The following PIK3C3 variants were observed in gnomAD, a reference collection of about 807,000 sequenced individuals.
PIK3C3 encodes PI3-kinase type 3.
Under a neutral mutation model 126.1 loss-of-function variants are expected in PIK3C3, and 95 were observed. That is an observed-to-expected ratio of 0.75 (90% CI 0.64 to 0.89). PIK3C3 has a LOEUF of 0.89. PIK3C3 is among the 40% of genes least tolerant of loss of function. The pLI is 0.00. For missense variants in PIK3C3, 829 were observed against 1,063.2 expected (o/e 0.78, Z 3.06); for synonymous variants, 374 against 360.0 (o/e 1.04, Z -0.44).
Position 42,029,390 on chromosome 18 carries a change from G to A in PIK3C3, c.1656G>A (p.Leu552=). The change falls in exon 15 of 25, where the codon TTG becomes TTA. Residue 552 remains leucine, a synonymous_variant. Transcript: ENST00000262039. ...LAAQQTFVDR[L]VHLMKAVQRE... Reference sequence around the variant, plus strand: ...CACAACAGACATTTGTAGATCGGTTGGTGCATCTAATGAAGGCAGTACAAC... The same window carrying A: ...CACAACAGACATTTGTAGATCGGTTAGTGCATCTAATGAAGGCAGTACAAC... The A allele has an allele frequency of 6.2e-7, 1 of 1,613,744 alleles. No homozygotes were observed. Among genetic ancestry groups the A allele is most frequent in the Non-Finnish European group, 8.5e-7 (1 of 1,179,790 alleles).
At position 42,087,406 on chromosome 18, in the gene PIK3C3, G is replaced by A. The variant is rs548042332; in HGVS notation, c.*6269G>A. 2.0e-5 allele frequency: 3 copies of A among 152,168 alleles called. No individual in the cohort carries two copies. Among genetic ancestry groups the A allele is most frequent in the African/African-American group, 4.8e-5 (2 of 41,438 alleles). The allele number at this position is 152,168 out of a possible 1,614,324, so 9.4% of individuals were successfully genotyped here. Reference sequence around the variant, plus strand: ...CGCCCCACCCTAATCTTATGCAAATGGGCTTTCCAGTTGATTGGGTCCATC... The same window carrying A: ...CGCCCCACCCTAATCTTATGCAAATAGGCTTTCCAGTTGATTGGGTCCATC... On this transcript the variant is annotated 3_prime_UTR_variant, in exon 25 of 25. Transcript: ENST00000262039.
rs1982449436 is a variant in PIK3C3, at chr18:42,004,557, T to C, written c.1170+16T>C. 3 of 1,569,256 alleles carry C rather than the reference T, an allele frequency of 1.9e-6. No individual in the cohort carries two copies. The South Asian group carries it at 3.5e-5, about 19-fold the overall frequency. Reference sequence around the variant, plus strand: ...CGATGATGAGGTGCATTATTATTTATTATTCTGCTTCAATGGGTCATTTTA... The same window carrying C: ...CGATGATGAGGTGCATTATTATTTACTATTCTGCTTCAATGGGTCATTTTA... On this transcript the variant is annotated intron_variant, in intron 10 of 24. Coordinates refer to ENST00000262039, the MANE Select transcript of PIK3C3 (RefSeq NM_002647.4).
chr18:42,019,487 A>G lies in PIK3C3; in HGVS notation c.1417-1151A>G, dbSNP rs150540448. 2.2e-3 allele frequency among the ~76,000 whole-genome samples: 338 copies of G among 152,296 alleles called. 1 individual carries two copies. Among genetic ancestry groups the G allele is most frequent in the African/African-American group, 7.5e-3 (312 of 41,584 alleles). ...GCTTCTTCAGAGTATTCAACAAAGT[A>G]AATAACTTTCTTCTTGAAAAACTAA... On this transcript the variant is annotated intron_variant, in intron 12 of 24. Coordinates refer to ENST00000262039, the MANE Select transcript of PIK3C3 (RefSeq NM_002647.4).
intron 24 of PIK3C3, among the ~76,000 whole-genome samples, chr18:42,079,902 T>A (rs1986176343): frequency 6.6e-6 from 1 of 151,814 alleles, no homozygotes; most frequent in African/African-American, 2.4e-5. Flanking sequence ...ACACACCTCT[T>A]CTCTTTGCAT....
chr18:42,031,218 C>T (rs1156284399), intron 15 of PIK3C3, among the ~76,000 whole-genome samples: 1 of 152,104 alleles, frequency 6.6e-6, no homozygotes, highest in African/African-American at 2.4e-5. Flanking sequence ...ACTTTTTCAT[C>T]CCTCATAATT....
chr18:42,008,933 C>T (rs994398307), intron 10 of PIK3C3, among the ~76,000 whole-genome samples: 1 of 151,914 alleles, frequency 6.6e-6, no homozygotes, highest in African/African-American at 2.4e-5. Context: ...AATTTAATAC[C>T]GCAGCCTTTT....
intron 23 of PIK3C3, among the ~76,000 whole-genome samples, 155 bp from the exon 24 acceptor site, chr18:42,067,233 A>G (rs748962786): frequency 1.3e-5 from 2 of 152,204 alleles, no homozygotes; most frequent in South Asian, 2.1e-4. Context: ...CCACACTCCA[A>G]AGAATGCCAT....
intron 20 of PIK3C3, among the ~76,000 whole-genome samples, chr18:42,046,616 G>T (rs1309552725): frequency 6.6e-6 from 1 of 152,034 alleles, no homozygotes; most frequent in Non-Finnish European, 1.5e-5. Context: ...TTCCATTGTT[G>T]TATAGTTAAA....
intron 7 of PIK3C3, among the ~76,000 whole-genome samples, chr18:41,995,385 A>G (rs1418741794): frequency 6.6e-6 from 1 of 152,338 alleles, no homozygotes; most frequent in East Asian, 1.9e-4. Context: ...CAATGACAGT[A>G]TGGTTAAAAC....
At chr18:42,072,560 T>C (rs1985818338) in intron 24 of PIK3C3, among the ~76,000 whole-genome samples, 2 of 152,170 alleles carry the variant, frequency 1.3e-5, no homozygotes, top group Admixed American at 6.5e-5. Context: ...TTTTGGCATC[T>C]TGTTCTGTCG....
intron 24 of PIK3C3, among the ~76,000 whole-genome samples, chr18:42,073,758 T>C (rs776729097): frequency 9.9e-5 from 15 of 152,068 alleles, no homozygotes; most frequent in Non-Finnish European, 1.6e-4. Flanking sequence ...TGTTTTTCCT[T>C]TCTATGTTGA....
At chr18:41,983,444 G>A (rs952549360) in intron 4 of PIK3C3, among the ~76,000 whole-genome samples, 1 of 151,886 alleles carries the variant, frequency 6.6e-6, no homozygotes, top group African/African-American at 2.4e-5. Context: ...CAGAATATCA[G>A]AGTATACTTA....
At chr18:42,032,646 T>TTATG (rs1213799929) in intron 15 of PIK3C3, among the ~76,000 whole-genome samples, 1 of 150,616 alleles carries the variant, frequency 6.6e-6, no homozygotes, top group Admixed American at 6.6e-5. Flanking sequence ...ATTTATTTAT[T>TTATG]TATTTATTTA....
intron 20 of PIK3C3, 37 bp from the exon 21 acceptor site, chr18:42,049,494 A>T: frequency 6.6e-7 from 1 of 1,519,444 alleles, no homozygotes; most frequent in Non-Finnish European, 9.1e-7. Context: ...CCTGGTTTGC[A>T]TTTGTTTTCA....
intron 11 of PIK3C3, 40 bp downstream of exon 11, chr18:42,013,636 A>T: frequency 2.1e-6 from 3 of 1,428,874 alleles, no homozygotes; most frequent in Non-Finnish European, 2.9e-6. Flanking sequence ...TAGTTTGTTA[A>T]TTTTTCCCTT....
intron 3 of PIK3C3, among the ~76,000 whole-genome samples, chr18:41,964,947 A>G (rs1980281029): frequency 6.6e-6 from 1 of 152,208 alleles, no homozygotes. Flanking sequence ...TTGTTATTAA[A>G]ATTCATACAG....
At chr18:42,065,779 G>T (rs545167058) in intron 23 of PIK3C3, among the ~76,000 whole-genome samples, 65 of 152,210 alleles carry the variant, frequency 4.3e-4, no homozygotes, top group African/African-American at 1.4e-3. Context: ...AACAATTAGT[G>T]TATGTGTTAA....
chr18:42,078,732 G>A (rs1223979718), intron 24 of PIK3C3, among the ~76,000 whole-genome samples: 1 of 152,226 alleles, frequency 6.6e-6, no homozygotes, highest in Admixed American at 6.5e-5. Flanking sequence ...CTAAATGGTA[G>A]ATAACTTGTG....
chr18:42,044,528 T>C (rs1299608601), intron 20 of PIK3C3, among the ~76,000 whole-genome samples: 1 of 152,092 alleles, frequency 6.6e-6, no homozygotes, highest in Admixed American at 6.6e-5. Flanking sequence ...TTCTTCCACC[T>C]CAGCCCGCCG....
Sources: gnomAD v4.1 joint callset for allele counts (sites outside exome capture counted in the v4.1 genomes callset) on GRCh38, gnomAD v4.1.1 for gene constraint, MANE v1.5 for transcripts, NCBI Gene and HGNC (gene_info 2026-07-23, HGNC 2026-07-21) for gene names.